ATG16L1: variants seen among roughly 807,000 people sequenced by gnomAD.
ATG16L1 encodes the protein autophagy related 16 like 1, also known as autophagy-related protein 16-1.
Under a neutral mutation model 88.5 loss-of-function variants are expected in ATG16L1, and 37 were observed. That is an observed-to-expected ratio of 0.42 (90% confidence interval 0.32 to 0.55). ATG16L1 has a LOEUF of 0.55. Ranked by LOEUF, ATG16L1 falls within the 20% of genes least tolerant of loss-of-function variation. The probability of loss-of-function intolerance (pLI) is 0.13; values close to 1 mark genes in which losing one functional copy is unlikely to be tolerated. For missense variants in ATG16L1, 554 were observed against 752.8 expected, an observed-to-expected ratio of 0.74 and a Z score of 3.09; for synonymous variants, 301 against 281.0, an observed-to-expected ratio of 1.07 and a Z score of -0.71.
intron 10 of ATG16L1, among the ~76,000 whole-genome samples, chr2:233,280,194 C>T (rs1330231894): frequency 6.6e-6 from 1 of 152,196 alleles, no homozygotes; most frequent in Non-Finnish European, 1.5e-5. Context: ...ATTTTTACTA[C>T]TTAGAAGTAC....
At position 233,294,748 on chromosome 2, in the gene ATG16L1, T is replaced by C. The variant is rs1438983080; in HGVS notation, c.*398T>C. On this transcript the variant is annotated 3_prime_UTR_variant, in exon 18 of 18. Coordinates refer to ENST00000392017, the MANE Select transcript of ATG16L1 (RefSeq NM_030803.7). ...CTTTCTCTCGTCCTTCCAAAGTCGGTTCTGGCCTAACGCATGTCCCAACAC... is the reference window on the plus strand; with the variant it reads ...CTTTCTCTCGTCCTTCCAAAGTCGGCTCTGGCCTAACGCATGTCCCAACAC... 7 of 160,992 alleles carry C rather than the reference T, an allele frequency of 4.3e-5. No individual in the cohort carries two copies. The allele number at this position is 160,992 out of a possible 1,614,324, so 10.0% of individuals were successfully genotyped here. A position where few individuals can be genotyped will look rare whatever the true frequency, so the allele number is the denominator to read the frequency against.
intron 1 of ATG16L1, among the ~76,000 whole-genome samples, chr2:233,253,645 C>T (rs924954013): frequency 1.7e-4 from 26 of 152,200 alleles, no homozygotes; most frequent in Admixed American, 1.2e-3. Flanking sequence ...AGTGACCAGC[C>T]GGGACTGGAA....
At chr2:233,265,501 G>T (rs1449081547) in intron 5 of ATG16L1, among the ~76,000 whole-genome samples, 1 of 152,014 alleles carries the variant, frequency 6.6e-6, no homozygotes, top group Non-Finnish European at 1.5e-5. Context: ...ACAGAGTCTC[G>T]CTCTGTTGCC....
intron 16 of ATG16L1, among the ~76,000 whole-genome samples, chr2:233,292,977 A>G (rs1699564925): frequency 6.6e-6 from 1 of 152,060 alleles, no homozygotes; most frequent in Admixed American, 6.6e-5. Context: ...GTTGGCTTTG[A>G]TCTCCCTATA....
chr2:233,274,974 A>G (rs1698248885), intron 9 of ATG16L1, among the ~76,000 whole-genome samples, 196 bp downstream of exon 9: 1 of 152,244 alleles, frequency 6.6e-6, no homozygotes, highest in Non-Finnish European at 1.5e-5. Flanking sequence ...TGTTACAACC[A>G]TCCTCTGTAA....
intron 12 of ATG16L1, 38 bp from the exon 13 acceptor site, chr2:233,289,816 C>G (rs374043156): frequency 6.2e-7 from 1 of 1,602,990 alleles, no homozygotes; most frequent in Non-Finnish European, 8.5e-7. Flanking sequence ...CAGGGCCTGG[C>G]GCCCTGAGGC....
At chr2:233,275,050 T>C (rs1311939626) in intron 9 of ATG16L1, among the ~76,000 whole-genome samples, 2 of 152,106 alleles carry the variant, frequency 1.3e-5, no homozygotes, top group Non-Finnish European at 2.9e-5. Context: ...TAATTAGGGA[T>C]TGTGAAAAAT....
chr2:233,264,137 G>C, intron 4 of ATG16L1, 72 bp downstream of exon 4: 1 of 1,497,512 alleles, frequency 6.7e-7, no homozygotes, highest in East Asian at 2.3e-5. Context: ...GACCTCTTGT[G>C]AGCAGGGCCA....
chr2:233,278,650 A>T (rs1479476173), intron 10 of ATG16L1, among the ~76,000 whole-genome samples: 1 of 152,162 alleles, frequency 6.6e-6, no homozygotes, highest in Non-Finnish European at 1.5e-5. Flanking sequence ...AAGACCTGAA[A>T]TTCCATGCTC....
chr2:233,256,562 G>A (rs982488462), intron 2 of ATG16L1, among the ~76,000 whole-genome samples: 1 of 149,698 alleles, frequency 6.7e-6, no homozygotes, highest in Non-Finnish European at 1.5e-5. Flanking sequence ...GTTAATGTAG[G>A]ATTGATTGGC....
chr2:233,272,905 G>T (rs559698486), intron 6 of ATG16L1, 61 bp from the exon 7 acceptor site: 2 of 1,436,082 alleles, frequency 1.4e-6, no homozygotes, highest in East Asian at 4.5e-5. Flanking sequence ...TAGCATTTGC[G>T]GAACCGATTA....
chr2:233,264,832 T>C, intron 4 of ATG16L1, 60 bp from the exon 5 acceptor site: 1 of 1,599,282 alleles, frequency 6.3e-7, no homozygotes, highest in Non-Finnish European at 8.5e-7. Context: ...GCCAGGTCCG[T>C]CTGGCTCTGG....
At chr2:233,264,259 C>A (rs1265770656) in intron 4 of ATG16L1, among the ~76,000 whole-genome samples, 194 bp downstream of exon 4, 2 of 152,200 alleles carry the variant, frequency 1.3e-5, no homozygotes, top group Non-Finnish European at 2.9e-5. Context: ...ACAGTGCCCA[C>A]AGGCTTCTAG....
intron 16 of ATG16L1, 43 bp from the exon 17 acceptor site, chr2:233,293,213 G>A (rs1334905964): frequency 6.6e-7 from 1 of 1,525,742 alleles, no homozygotes; most frequent in Non-Finnish European, 9.1e-7. Context: ...CTGAATTGGG[G>A]GTGGGGAATT....
Position 233,251,677 on chromosome 2 carries a change from C to T in ATG16L1, c.-151C>T. The T allele has an allele frequency of 3.0e-6, 2 of 664,014 alleles. No homozygotes were observed. Among genetic ancestry groups the T allele is most frequent in the Non-Finnish European group, 5.2e-6 (2 of 385,842 alleles). 41.1% of individuals were successfully genotyped at this position (664,014 alleles called of 1,614,324 possible). On this transcript the variant is annotated 5_prime_UTR_variant, in exon 1 of 18. Transcript: ENST00000392017. ...TCATTTCCGGCATGAGCCGGAAGAC[C>T]GTCCCGGATGGCCTCGGGGACTGCC...
intron 1 of ATG16L1, 70 bp from the exon 2 acceptor site, chr2:233,256,032 A>G (rs1449087434): frequency 1.6e-6 from 2 of 1,257,340 alleles, no homozygotes; most frequent in East Asian, 4.7e-5. Context: ...ATACATGACA[A>G]GGTAGGTACC....
chr2:233,253,383 C>G (rs1421581231), intron 1 of ATG16L1, among the ~76,000 whole-genome samples: 6 of 115,052 alleles, frequency 5.2e-5, no homozygotes. Flanking sequence ...CTTGCTCTGT[C>G]ACCTAGGCTG....
intron 12 of ATG16L1, among the ~76,000 whole-genome samples, chr2:233,286,396 G>C (rs1332335717): frequency 6.6e-6 from 1 of 152,062 alleles, no homozygotes; most frequent in African/African-American, 2.4e-5. Flanking sequence ...AAAAGTAGAA[G>C]ATGAAACCTA....
intron 1 of ATG16L1, 103 bp downstream of exon 1, chr2:233,252,045 C>T (rs575271707): frequency 1.5e-5 from 15 of 1,001,672 alleles, no homozygotes; most frequent in African/African-American, 1.2e-4. Context: ...GCCGCCCGCA[C>T]GCATGGCGGC....
Sources: allele counts gnomAD v4.1 joint callset (sites outside exome capture counted in the v4.1 genomes callset), GRCh38; gene constraint gnomAD v4.1.1; transcripts MANE v1.5; gene names NCBI Gene and HGNC (gene_info 2026-07-23, HGNC 2026-07-21).